Variants in SUPT3H observed in about 807,000 individuals in gnomAD.
The protein encoded by SUPT3H is SPT3 homolog, SAGA and STAGA complex component.
SUPT3H carries 44 observed loss-of-function variants against 44.3 expected under a neutral mutation model. The ratio of observed to expected loss-of-function variants is 0.99; its 90% CI spans 0.78 to 1.28. The LOEUF is 1.28. Ranked by LOEUF, SUPT3H falls within the 50% of genes most tolerant of loss-of-function variation. SUPT3H has a pLI of 0.00. For missense variants in SUPT3H, 380 were observed against 387.1 expected (o/e 0.98, Z 0.15); for synonymous variants, 124 against 125.6 (o/e 0.99, Z 0.09).
intron 2 of SUPT3H, among the ~76,000 whole-genome samples, chr6:45,327,831 C>A (rs557766231): frequency 3.3e-5 from 5 of 151,826 alleles, no homozygotes; most frequent in African/African-American, 1.2e-4. Flanking sequence ...ATGAAGCAGA[C>A]CCCAGAATGT....
chr6:45,175,946 G>A (rs1421219205), intron 2 of SUPT3H, among the ~76,000 whole-genome samples: 1 of 152,150 alleles, frequency 6.6e-6, no homozygotes, highest in East Asian at 1.9e-4. Context: ...AAGGTGAAGG[G>A]AATTTCTTCC....
intron 2 of SUPT3H, among the ~76,000 whole-genome samples, chr6:45,324,610 A>G (rs1195072466): frequency 2.7e-5 from 4 of 150,900 alleles, no homozygotes; most frequent in African/African-American, 9.8e-5. Flanking sequence ...AGGGAGAGAG[A>G]TTGGTAGAGA....
intron 2 of SUPT3H, among the ~76,000 whole-genome samples, chr6:45,247,413 A>G (rs1293954845): frequency 2.0e-5 from 3 of 152,196 alleles, no homozygotes; most frequent in Non-Finnish European, 4.4e-5. Context: ...GGTCTTTTGT[A>G]GAAACACTGT....
At chr6:45,269,309 C>G (rs984809608) in intron 2 of SUPT3H, among the ~76,000 whole-genome samples, 2 of 152,142 alleles carry the variant, frequency 1.3e-5, no homozygotes, top group Non-Finnish European at 2.9e-5. Flanking sequence ...ATACCACATT[C>G]CTCATTTGTT....
intron 9 of SUPT3H, among the ~76,000 whole-genome samples, chr6:44,941,707 C>T (rs920624887): frequency 5.3e-5 from 8 of 152,064 alleles, no homozygotes; most frequent in Admixed American, 3.3e-4. Context: ...AGTGAAAATA[C>T]GGGACATGTC....
chr6:45,086,399 A>G (rs1277040822), intron 3 of SUPT3H, among the ~76,000 whole-genome samples: 1 of 152,042 alleles, frequency 6.6e-6, no homozygotes, highest in African/African-American at 2.4e-5. Flanking sequence ...TAAACATATA[A>G]TATCACCAAG....
chr6:45,350,518 C>G (rs1013647077), intron 2 of SUPT3H, among the ~76,000 whole-genome samples: 7 of 152,126 alleles, frequency 4.6e-5, no homozygotes, highest in African/African-American at 1.7e-4. Context: ...TGCTTTCTCA[C>G]AGAAGACCAA....
intron 6 of SUPT3H, among the ~76,000 whole-genome samples, chr6:44,962,693 T>C (rs1303077284): frequency 1.3e-5 from 2 of 152,192 alleles, no homozygotes; most frequent in Admixed American, 6.5e-5. Flanking sequence ...ATTTTTGAAA[T>C]AGAAATTATT....
chr6:45,370,677 A>T, intron 1 of SUPT3H, among the ~76,000 whole-genome samples: 1 of 152,186 alleles, frequency 6.6e-6, no homozygotes, highest in Admixed American at 6.5e-5. Context: ...TGAATTGAAA[A>T]TATCAAAACA....
intron 2 of SUPT3H, among the ~76,000 whole-genome samples, chr6:45,270,335 G>A (rs1775919378): frequency 6.6e-6 from 1 of 151,986 alleles, no homozygotes; most frequent in Non-Finnish European, 1.5e-5. Flanking sequence ...GTTTGGCTGT[G>A]TCCCCACCTA....
At chr6:45,336,693 T>G (rs1788626713) in intron 2 of SUPT3H, among the ~76,000 whole-genome samples, 1 of 151,376 alleles carries the variant, frequency 6.6e-6, no homozygotes, top group Admixed American at 6.6e-5. Context: ...AGAAATACTG[T>G]AACACAGTAT....
intron 2 of SUPT3H, among the ~76,000 whole-genome samples, chr6:45,117,768 A>G (rs764971087): frequency 2.6e-5 from 4 of 152,150 alleles, no homozygotes; most frequent in Non-Finnish European, 5.9e-5. Flanking sequence ...AGGAGAACAC[A>G]TAATATATTC....
chr6:45,030,656 T>C (rs1786773639), intron 3 of SUPT3H, among the ~76,000 whole-genome samples: 1 of 152,198 alleles, frequency 6.6e-6, no homozygotes, highest in Non-Finnish European at 1.5e-5. Flanking sequence ...CAGGCCAATG[T>C]AATGATTAGA....
At chr6:45,113,958 T>C (rs1275574933) in intron 2 of SUPT3H, among the ~76,000 whole-genome samples, 3 of 152,028 alleles carry the variant, frequency 2.0e-5, no homozygotes, top group Non-Finnish European at 4.4e-5. Context: ...TAAACATTCA[T>C]ATAATTTAAC....
intron 3 of SUPT3H, among the ~76,000 whole-genome samples, chr6:45,089,508 G>T (rs935434480): frequency 6.6e-6 from 1 of 151,922 alleles, no homozygotes; most frequent in African/African-American, 2.4e-5. Flanking sequence ...TCAAATTCAT[G>T]TCTAAAACCA....
chr6:45,144,327 T>C (rs1441997415), intron 2 of SUPT3H, among the ~76,000 whole-genome samples: 2 of 151,860 alleles, frequency 1.3e-5, no homozygotes, highest in Non-Finnish European at 2.9e-5. Context: ...CAACAGCATA[T>C]AAAAAAGATA....
At chr6:45,329,237 G>T (rs1052585206) in intron 2 of SUPT3H, among the ~76,000 whole-genome samples, 5 of 151,814 alleles carry the variant, frequency 3.3e-5, no homozygotes, top group Non-Finnish European at 5.9e-5. Context: ...TCAACATTAT[G>T]GTCTACCATG....
chr6:45,288,142 T>A (rs987968277), intron 2 of SUPT3H, among the ~76,000 whole-genome samples: 2 of 152,146 alleles, frequency 1.3e-5, no homozygotes, highest in Non-Finnish European at 2.9e-5. Flanking sequence ...TGAGTTGACA[T>A]CTTTTATGTG....
intron 10 of SUPT3H, among the ~76,000 whole-genome samples, chr6:44,908,651 G>C (rs1766507519): frequency 6.6e-6 from 1 of 152,088 alleles, no homozygotes; most frequent in Non-Finnish European, 1.5e-5. Flanking sequence ...ATGTGTAAAG[G>C]AAAGTCACCT....
Sources: gnomAD v4.1 joint callset for allele counts (sites outside exome capture counted in the v4.1 genomes callset) on GRCh38, gnomAD v4.1.1 for gene constraint, MANE v1.5 for transcripts, NCBI Gene and HGNC (gene_info 2026-07-23, HGNC 2026-07-21) for gene names.